DUSP29: variants seen among roughly 807,000 people sequenced by gnomAD.
DUSP29 encodes the protein dual specificity phosphatase 29.
DUSP29 carries 12 observed loss-of-function variants against 13.5 expected under a neutral mutation model. That is an observed-to-expected ratio of 0.89 (90% CI 0.57 to 1.44). DUSP29 has a LOEUF of 1.44. Ranked by LOEUF, DUSP29 falls within the 40% of genes most tolerant of loss-of-function variation. DUSP29 has a pLI of 0.00. For synonymous variants in DUSP29, 134 were observed against 128.7 expected, an observed-to-expected ratio of 1.04 and a Z score of -0.28; for missense variants, 308 against 301.1, an observed-to-expected ratio of 1.02 and a Z score of -0.17.
intron 2 of DUSP29, among the ~76,000 whole-genome samples, chr10:75,055,399 A>T (rs1486873480): frequency 2.0e-5 from 3 of 152,226 alleles, no homozygotes; most frequent in Non-Finnish European, 4.4e-5. Context: ...CAAATATCAC[A>T]CAGAGATTGG....
Position 75,050,855 on chromosome 10 carries a change from C to T in DUSP29, c.201-6838G>A, listed in dbSNP as rs560000720. Among the ~76,000 whole-genome samples the T allele has an allele frequency of 3.9e-4, 60 of 152,330 alleles. 1 individual carries two copies. In the South Asian group the frequency reaches 0.01, roughly 26 times the overall value. ...CACCCCTTCGACCCCTCTGCTGAGCCGGCAGAGTGAGCACCCTCCACGTTG... is the reference window on the plus strand; with the variant it reads ...CACCCCTTCGACCCCTCTGCTGAGCTGGCAGAGTGAGCACCCTCCACGTTG... On this transcript the variant is annotated intron_variant, in intron 2 of 3. Coordinates refer to ENST00000338487, the MANE Select transcript of DUSP29 (RefSeq NM_001003892.3).
chr10:75,046,171 G>A (rs980770398), intron 2 of DUSP29, among the ~76,000 whole-genome samples: 1 of 152,174 alleles, frequency 6.6e-6, no homozygotes, highest in South Asian at 2.1e-4. Flanking sequence ...TGGCTGATGT[G>A]TGGGGATCCT....
intron 2 of DUSP29, among the ~76,000 whole-genome samples, chr10:75,058,064 T>G (rs965989991): frequency 9.9e-5 from 15 of 152,226 alleles, no homozygotes; most frequent in Non-Finnish European, 1.6e-4. Flanking sequence ...GAGTCCCTGA[T>G]GACCCTGCAG....
intron 1 of DUSP29, among the ~76,000 whole-genome samples, chr10:75,071,894 C>A (rs900920917): frequency 6.6e-6 from 1 of 152,216 alleles, no homozygotes; most frequent in Admixed American, 6.5e-5. Context: ...AAGACACAAG[C>A]GGCTGGTTGT....
intron 1 of DUSP29, among the ~76,000 whole-genome samples, chr10:75,061,418 G>A (rs1847085233): frequency 6.6e-6 from 1 of 152,132 alleles, no homozygotes; most frequent in South Asian, 2.1e-4. Flanking sequence ...GGCAGCAAAG[G>A]GGACCCTCCT....
At chr10:75,043,624 A>C (rs1170581510) in intron 3 of DUSP29, among the ~76,000 whole-genome samples, 173 bp downstream of exon 3, 1 of 152,080 alleles carries the variant, frequency 6.6e-6, no homozygotes, top group African/African-American at 2.4e-5. Context: ...TCGCACGCGC[A>C]CATCCCGCTT....
At chr10:75,071,275 G>A (rs774782329) in intron 1 of DUSP29, among the ~76,000 whole-genome samples, 1 of 152,238 alleles carries the variant, frequency 6.6e-6, no homozygotes, top group Non-Finnish European at 1.5e-5. Context: ...CTGCTTGTCA[G>A]GAAAGCTCTT....
At position 75,043,778 on chromosome 10, in the gene DUSP29, G is replaced by C. The variant is rs200346015; in HGVS notation, c.421+19C>G. On this transcript the variant is annotated intron_variant, in intron 3 of 3. Coordinates refer to ENST00000338487, the MANE Select transcript of DUSP29 (RefSeq NM_001003892.3). ...GGGGCGGGGCGGGGCCGATCGGGGC[G>C]GGGCCGCGGGTCTCTTACTGTGGTC... 56 of 1,603,936 alleles carry C rather than the reference G, an allele frequency of 3.5e-5. No individual in the cohort carries two copies. The highest frequency in any genetic ancestry group is 6.7e-5 in the Admixed American group (4 of 59,940).
intron 3 of DUSP29, among the ~76,000 whole-genome samples, chr10:75,042,961 T>A (rs569382859): frequency 6.6e-6 from 1 of 152,360 alleles, no homozygotes; most frequent in Non-Finnish European, 1.5e-5. Flanking sequence ...AACTGTATAT[T>A]GTCTTACCCC....
At chr10:75,061,310 T>C (rs183710954) in intron 1 of DUSP29, among the ~76,000 whole-genome samples, 142 of 152,320 alleles carry the variant, frequency 9.3e-4, no homozygotes, top group African/African-American at 3.3e-3. Context: ...AAAGGATCAC[T>C]AGCTAGCCAT....
At chr10:75,058,036 G>A (rs779967642) in intron 2 of DUSP29, among the ~76,000 whole-genome samples, 16 of 152,334 alleles carry the variant, frequency 1.1e-4, no homozygotes, top group Non-Finnish European at 1.9e-4. Context: ...GGACAGTGGC[G>A]CAGAAACACA....
chr10:75,060,320 AT>A (rs1378268987), intron 1 of DUSP29, among the ~76,000 whole-genome samples: 1 of 152,048 alleles, frequency 6.6e-6, no homozygotes, highest in African/African-American at 2.4e-5. Context: ...AAATGCAAAA[AT>A]TAGCTGGGTG....
chr10:75,040,462 G>A (rs774547763), intron 3 of DUSP29, among the ~76,000 whole-genome samples: 2 of 152,182 alleles, frequency 1.3e-5, no homozygotes, highest in Non-Finnish European at 2.9e-5. Context: ...ATGCCGAATC[G>A]GGGGCAGTTA....
At position 75,043,889 on chromosome 10, in the gene DUSP29, C is replaced by G. The variant is rs754004741; in HGVS notation, c.329G>C (p.Gly110Ala). ...GGTGGGCAGGTCGTCGGCCTCCACG[C>G]CGTGGTACTGGATGTCCATGTCGCG... is the stretch of plus-strand genomic sequence containing the variant. ...YYRDMDIQYH[G>A]VEADDLPTFD... Residue 110 changes from glycine (G) to alanine (A), a missense_variant, in exon 3 of 4, where the codon GGC becomes GCC. Transcript: ENST00000338487. 7.4e-6 allele frequency: 12 copies of G among 1,613,944 alleles called. No individual in the cohort carries two copies. The highest frequency in any genetic ancestry group is 1.0e-5 in the Non-Finnish European group (12 of 1,179,968).
rs1419141608 is a variant in DUSP29 at position 75,043,997 on chromosome 10, T to C, written c.221A>G (p.Tyr74Cys). 2.5e-6 allele frequency: 4 copies of C among 1,611,696 alleles called. No homozygotes were observed. The highest frequency in any genetic ancestry group is 2.2e-5 in the East Asian group (1 of 44,884). Residue 74 changes from tyrosine (Y) to cysteine (C), a missense_variant, in exon 3 of 4, where the codon TAT becomes TGT. Physicochemically the swap from Tyr to Cys is radical, Grantham distance 194. Coordinates refer to ENST00000338487, the MANE Select transcript of DUSP29 (RefSeq NM_001003892.3). ...IGDEATALDR[Y>C]RLQKAGFTHV... The stretch of plus-strand genomic sequence containing the variant: ...CGTGAACCCCGCCTTCTGCAGCCTA[T>C]AGCGGTCCAGCGCCGTCGCCCTGGG...
chr10:75,041,271 C>T (rs1312449196), intron 3 of DUSP29, among the ~76,000 whole-genome samples: 1 of 152,162 alleles, frequency 6.6e-6, no homozygotes, highest in Non-Finnish European at 1.5e-5. Context: ...TTGCTCTGGC[C>T]ACTCAGGGCA....
intron 2 of DUSP29, among the ~76,000 whole-genome samples, chr10:75,044,901 G>A (rs895645654): frequency 1.3e-5 from 2 of 152,172 alleles, no homozygotes; most frequent in Non-Finnish European, 2.9e-5. Flanking sequence ...GGAGGCAAGC[G>A]CGGGCCAAGC....
chr10:75,040,924 GCTC>G (rs1229385733), intron 3 of DUSP29, among the ~76,000 whole-genome samples: 3 of 152,330 alleles, frequency 2.0e-5, no homozygotes, highest in African/African-American at 7.2e-5. Context: ...CACGAGTACA[GCTC>G]CACAAGGAAC....
rs558405197 is a variant in DUSP29, at chr10:75,046,310, A to T, written c.201-2293T>A. On this transcript the variant is annotated intron_variant, in intron 2 of 3. Transcript: ENST00000338487. ...AGACCAGGACTTCAGCTCAGGGAAGATGTGACAAGGGTCTGGAGCCGTACC... is the reference window on the plus strand; with the variant it reads ...AGACCAGGACTTCAGCTCAGGGAAGTTGTGACAAGGGTCTGGAGCCGTACC... Among the ~76,000 whole-genome samples the T allele has an allele frequency of 7.9e-5, 12 of 152,156 alleles. No homozygotes were observed. The South Asian group carries it at 2.5e-3, about 32-fold the overall frequency.
Sources: gnomAD v4.1 joint callset for allele counts (sites outside exome capture counted in the v4.1 genomes callset) on GRCh38, gnomAD v4.1.1 for gene constraint, MANE v1.5 for transcripts, NCBI Gene and HGNC (gene_info 2026-07-23, HGNC 2026-07-21) for gene names.